PIAS1: variants seen among roughly 807,000 people sequenced by gnomAD.
PIAS1 encodes the protein protein inhibitor of activated STAT 1.
A neutral mutation model predicts 71.3 loss-of-function variants in PIAS1; 6 were observed. That is an observed-to-expected ratio of 0.08 (90% CI 0.05 to 0.17). PIAS1 has a LOEUF of 0.17. Among genes scored for constraint, PIAS1 ranks in the 10% least tolerant of loss-of-function variants. The pLI is 1.00. For synonymous variants in PIAS1, 303 were observed against 292.9 expected (o/e 1.03, Z -0.35); for missense variants, 555 against 793.6 (o/e 0.70, Z 3.61).
At position 68,190,510 on chromosome 15, in the gene PIAS1, A is replaced by G. The variant is rs997805695; in HGVS notation, c.*2675A>G. 3 of 152,010 alleles carry G rather than the reference A, an allele frequency of 2.0e-5. No homozygotes were observed. The highest frequency in any genetic ancestry group is 7.3e-5 in the African/African-American group (3 of 41,378). The allele number at this position is 152,010 out of a possible 1,614,324, so 9.4% of individuals were successfully genotyped here. A position where few individuals can be genotyped will look rare whatever the true frequency, so the allele number is the denominator to read the frequency against. On this transcript the variant is annotated 3_prime_UTR_variant, in exon 14 of 14. Coordinates refer to ENST00000249636, the MANE Select transcript of PIAS1 (RefSeq NM_016166.3). This position sits in a 1 kb window ranked among gnomAD's most constrained non-coding sequence, Gnocchi z 4.7. ...TTTCTTAGCCTACGCTCACTCCCCA[A>G]CCCATCCCAACATTGACATGCTATC...
At chr15:68,055,281 A>G (rs1055199559) in intron 1 of PIAS1, 14 of 854,522 alleles carry the variant, frequency 1.6e-5, no homozygotes, top group Non-Finnish European at 2.0e-5. Flanking sequence ...TTGTAGGGAC[A>G]TCTTGCTGGC....
chr15:68,078,504 C>T (rs1223302820), intron 1 of PIAS1, among the ~76,000 whole-genome samples: 1 of 152,172 alleles, frequency 6.6e-6, no homozygotes, highest in African/African-American at 2.4e-5. Context: ...ACTGCCTGCT[C>T]ATGTTATACT....
At chr15:68,060,793 C>T (rs2091949912) in intron 1 of PIAS1, among the ~76,000 whole-genome samples, 1 of 148,224 alleles carries the variant, frequency 6.7e-6, no homozygotes, top group African/African-American at 2.5e-5. Flanking sequence ...AGGCAATTCT[C>T]CTGCCTCAGC....
At chr15:68,076,261 A>G (rs1029997767) in intron 1 of PIAS1, among the ~76,000 whole-genome samples, 2 of 152,274 alleles carry the variant, frequency 1.3e-5, no homozygotes, top group African/African-American at 2.4e-5. Flanking sequence ...ATGTAATCCT[A>G]TCACTTTGGG....
chr15:68,084,566 C>T (rs746693620), intron 1 of PIAS1, among the ~76,000 whole-genome samples: 4 of 152,098 alleles, frequency 2.6e-5, no homozygotes, highest in South Asian at 4.1e-4. Flanking sequence ...CTTTGCATGC[C>T]TCTACAGAAC....
At chr15:68,069,823 G>T (rs1053107204) in intron 1 of PIAS1, among the ~76,000 whole-genome samples, 1 of 133,602 alleles carries the variant, frequency 7.5e-6, no homozygotes, top group Non-Finnish European at 1.6e-5. Flanking sequence ...AAAAAAAAAA[G>T]AAATTACATT....
At chr15:68,129,224 G>A (rs190318479) in intron 2 of PIAS1, among the ~76,000 whole-genome samples, 239 of 152,028 alleles carry the variant, frequency 1.6e-3, no homozygotes, top group Non-Finnish European at 2.4e-3. Context: ...CACCACACCT[G>A]GCTGATATTT....
At chr15:68,103,213 C>A (rs2092442418) in intron 2 of PIAS1, among the ~76,000 whole-genome samples, 2 of 152,140 alleles carry the variant, frequency 1.3e-5, no homozygotes, top group Non-Finnish European at 2.9e-5. Context: ...AGGTGTGAGC[C>A]ACTCTGCCTG....
intron 4 of PIAS1, among the ~76,000 whole-genome samples, 167 bp downstream of exon 4, chr15:68,142,504 G>A (rs2092778554): frequency 6.6e-6 from 1 of 151,994 alleles, no homozygotes; most frequent in South Asian, 2.1e-4. Flanking sequence ...AGGAATAAGA[G>A]GAAATCTACC....
rs761121188 is a variant in PIAS1 at position 68,095,394 on chromosome 15, G to A, written c.469+8644G>A. 5.1e-4 allele frequency among the ~76,000 whole-genome samples: 77 copies of A among 152,088 alleles called. 1 individual carries two copies. In the Middle Eastern group the frequency reaches 0.01, roughly 20 times the overall value. ...GGTTGTGGTAATCATGGGGCATGTG[G>A]TCATCATGGGGTAGATAGGATAATG... On this transcript the variant is annotated intron_variant, in intron 2 of 13. Coordinates refer to ENST00000249636, the MANE Select transcript of PIAS1 (RefSeq NM_016166.3).
intron 1 of PIAS1, chr15:68,055,087 C>T (rs2091881547): frequency 4.7e-6 from 2 of 425,532 alleles, no homozygotes; most frequent in Non-Finnish European, 6.3e-6. Flanking sequence ...GAAACCCCCT[C>T]GAAGAGTGTG....
At chr15:68,154,584 A>C (rs891202706) in intron 7 of PIAS1, among the ~76,000 whole-genome samples, 1 of 152,224 alleles carries the variant, frequency 6.6e-6, no homozygotes, top group Non-Finnish European at 1.5e-5. Flanking sequence ...TAGCATAGCT[A>C]TTACCCCTTT....
chr15:68,127,679 G>T (rs1327421799), intron 2 of PIAS1, among the ~76,000 whole-genome samples: 3 of 152,150 alleles, frequency 2.0e-5, no homozygotes, highest in Non-Finnish European at 2.9e-5. Context: ...GGAATTTTAG[G>T]ATAGAGTAAA....
intron 2 of PIAS1, among the ~76,000 whole-genome samples, chr15:68,101,154 C>A (rs144801834): frequency 4.6e-4 from 70 of 152,244 alleles, no homozygotes; most frequent in Non-Finnish European, 7.8e-4. Context: ...CTCCCCTCAA[C>A]CTCCCAAAGT....
At chr15:68,111,778 G>A (rs2092524929) in intron 2 of PIAS1, among the ~76,000 whole-genome samples, 1 of 152,132 alleles carries the variant, frequency 6.6e-6, no homozygotes, top group South Asian at 2.1e-4. Context: ...TATACTAAAC[G>A]GGAAAATGAA....
chr15:68,069,127 G>A (rs1025031431), intron 1 of PIAS1, among the ~76,000 whole-genome samples: 4 of 148,322 alleles, frequency 2.7e-5, no homozygotes, highest in African/African-American at 7.5e-5. Context: ...AACTCCAGAC[G>A]TCGTGATCCG....
At chr15:68,112,406 T>C (rs973661833) in intron 2 of PIAS1, among the ~76,000 whole-genome samples, 4 of 152,190 alleles carry the variant, frequency 2.6e-5, no homozygotes, top group Non-Finnish European at 5.9e-5. Context: ...TTTACTGTCT[T>C]TGATTTCTTT....
intron 2 of PIAS1, among the ~76,000 whole-genome samples, chr15:68,099,190 GTTAT>G (rs375854673): frequency 1.5e-3 from 233 of 150,576 alleles, no homozygotes; most frequent in African/African-American, 5.4e-3. Flanking sequence ...AAAGCACATC[GTTAT>G]TTATTTATGA....
intron 13 of PIAS1, chr15:68,184,030 A>G (rs1409118433): frequency 2.5e-5 from 4 of 162,400 alleles, no homozygotes; most frequent in African/African-American, 9.7e-5. Flanking sequence ...TTGCTGTAAA[A>G]CAGTGTGCCA....
Sources: gnomAD v4.1 joint callset for allele counts (sites outside exome capture counted in the v4.1 genomes callset) on GRCh38, gnomAD v4.1.1 for gene constraint, Gnocchi (gnomAD v3.1) non-coding constraint, MANE v1.5 for transcripts, NCBI Gene and HGNC (gene_info 2026-07-23, HGNC 2026-07-21) for gene names.